The following BBC3 variants were observed in gnomAD, a reference collection of about 807,000 sequenced individuals.
BBC3 encodes BCL2 binding component 3.
In BBC3, 5 loss-of-function variants were observed where a neutral mutation model predicts 18.2. That is an observed-to-expected ratio of 0.27 (90% CI 0.14 to 0.58). The LOEUF is 0.58. BBC3 is among the 20% of genes least tolerant of loss of function. The pLI is 0.91. For synonymous variants in BBC3, 119 were observed against 128.0 expected (o/e 0.93, Z 0.47); for missense variants, 224 against 268.9 (o/e 0.83, Z 1.17).
intron 3 of BBC3, 22 bp downstream of exon 3, chr19:47,226,542 C>A (rs998853577): frequency 3.0e-5 from 45 of 1,507,132 alleles, no homozygotes; most frequent in Non-Finnish European, 3.7e-5. Context: ...CACCTGCCGT[C>A]TACCCCACCC....
chr19:47,223,720 ATCCTCATCG>A (rs747521043), intron 3 of BBC3, among the ~76,000 whole-genome samples: 32 of 152,238 alleles, frequency 2.1e-4, no homozygotes, highest in Middle Eastern at 3.4e-3. Context: ...AGGTTAAATG[ATCCTCATCG>A]TCCTCATGCT....
chr19:47,227,370 A>G (rs1362261219), intron 2 of BBC3, among the ~76,000 whole-genome samples: 2 of 123,974 alleles, frequency 1.6e-5, no homozygotes, highest in African/African-American at 3.1e-5. Flanking sequence ...CCGTCCCACC[A>G]GGTCCTGGCC....
chr19:47,226,613 GC>G lies in BBC3; in HGVS notation c.415del (p.Ala139ProfsTer76). On this transcript the variant is annotated frameshift_variant, in exon 3 of 4. Coordinates refer to ENST00000439096, the MANE Select transcript of BBC3 (RefSeq NM_014417.5). LOFTEE classifies it high-confidence loss of function. ...GTCGTCCGCCATCCGCCGCAGCTGG[GC>G]CCCGATCTCCCGGGCCCACTGTTCC... ...EEEQWAREIG[A>X]QLRRMADDLN... 2 of 1,578,848 alleles carry G rather than the reference GC, an allele frequency of 1.3e-6. No individual in the cohort carries two copies. Among genetic ancestry groups the G allele is most frequent in the South Asian group, 1.1e-5 (1 of 87,162 alleles).
At position 47,221,436 on chromosome 19, in the gene BBC3, C is replaced by CG. The variant is rs947372607; in HGVS notation, c.*365_*366insC. ...AGCACCGAGAGGAGAGCCCCCCCCT[C>CG]CCAGTGTCACCCCTGCAGCTGGAAC... On this transcript the variant is annotated 3_prime_UTR_variant, in exon 4 of 4. Coordinates refer to ENST00000439096, the MANE Select transcript of BBC3 (RefSeq NM_014417.5). The CG allele has an allele frequency of 6.4e-5, 16 of 250,324 alleles. 2 individuals carry two copies. Among genetic ancestry groups the CG allele is most frequent in the Admixed American group, 3.0e-4 (5 of 16,846 alleles). 15.5% of individuals were successfully genotyped at this position (250,324 alleles called of 1,614,324 possible).
chr19:47,227,362 G>C, intron 2 of BBC3, among the ~76,000 whole-genome samples: 1 of 81,614 alleles, frequency 1.2e-5, no homozygotes, highest in East Asian at 3.7e-4. Context: ...CTGCCCTCCC[G>C]TCCCACCAGG....
Position 47,230,681 on chromosome 19 carries a change from A to C in BBC3, c.-16+248T>G, listed in dbSNP as rs1427411930. The C allele has an allele frequency of 7.0e-5, 67 of 958,520 alleles. No individual in the cohort carries two copies. Among genetic ancestry groups the C allele is most frequent in the Non-Finnish European group, 7.9e-5 (64 of 806,074 alleles). The allele number at this position is 958,520 out of a possible 1,614,324, so 59.4% of individuals were successfully genotyped here. ...CGCCAGGGGGCGCTGCCGAGCCCGC[A>C]CCCCATTGTTTGTAAACAAACCCGC... On this transcript the variant is annotated intron_variant, in intron 1 of 3. Coordinates refer to ENST00000439096, the MANE Select transcript of BBC3 (RefSeq NM_014417.5). This position sits in a 1 kb window ranked among gnomAD's most constrained non-coding sequence, Gnocchi z 6.7.
chr19:47,231,311 G>C (rs896780202), upstream of BBC3: 1 of 635,210 alleles, frequency 1.6e-6, no homozygotes, highest in Non-Finnish European at 2.0e-6. The surrounding 1 kb of genome is among the most constrained non-coding windows in gnomAD (Gnocchi z 4.0). Context: ...GGCCCCGCCC[G>C]CCCGCCGCGG....
At chr19:47,232,207 C>T (rs1274211877), upstream of BBC3, among the ~76,000 whole-genome samples, 3 of 152,128 alleles carry the variant, frequency 2.0e-5, no homozygotes, top group Non-Finnish European at 4.4e-5. Context: ...CAAAATTAGC[C>T]GGGCGTTGTG....
intron 1 of BBC3, among the ~76,000 whole-genome samples, chr19:47,229,894 A>G (rs1175783395): frequency 6.6e-6 from 1 of 152,150 alleles, no homozygotes; most frequent in Non-Finnish European, 1.5e-5. Flanking sequence ...TAGCAGGCGC[A>G]GCATCACAAA....
intron 3 of BBC3, among the ~76,000 whole-genome samples, chr19:47,223,728 C>T (rs966378532): frequency 5.3e-5 from 8 of 152,076 alleles, no homozygotes; most frequent in African/African-American, 1.9e-4. Context: ...TGATCCTCAT[C>T]GTCCTCATGC....
chr19:47,231,726 C>T (rs1047982480), upstream of BBC3, among the ~76,000 whole-genome samples: 1 of 152,076 alleles, frequency 6.6e-6, no homozygotes, highest in Non-Finnish European at 1.5e-5. The surrounding 1 kb of genome is among the most constrained non-coding windows in gnomAD (Gnocchi z 4.0). Context: ...CTAACAGGGT[C>T]CCCTGGACAA....
In BBC3 at chr19:47,228,592, C is replaced by T; in HGVS notation, c.-15-146G>A. 1 of 846,648 alleles carries T rather than the reference C, an allele frequency of 1.2e-6. No individual in the cohort carries two copies. Among genetic ancestry groups the T allele is most frequent in the Non-Finnish European group, 1.6e-6 (1 of 638,490 alleles). The allele number at this position is 846,648 out of a possible 1,614,324, so 52.4% of individuals were successfully genotyped here. On this transcript the variant is annotated intron_variant, in intron 1 of 3. Transcript: ENST00000439096. The surrounding 1 kb of genome is among the most constrained non-coding windows in gnomAD (Gnocchi z 5.5). ...GGTGACGGCCCCACAGAGACACGCC[C>T]AGCCGGGGGATGACACCACCGGGTC... is the stretch of plus-strand genomic sequence containing the variant.
chr19:47,228,271 A>G lies in BBC3; in HGVS notation c.161T>C (p.Leu54Pro). The G allele has an allele frequency of 1.1e-6, 1 of 905,570 alleles. No homozygotes were observed. The allele number at this position is 905,570 out of a possible 1,614,324, so 56.1% of individuals were successfully genotyped here. The change falls in exon 2 of 4, where the codon CTG (leucine) becomes CCG (proline). Residue 54 changes from leucine (L) to proline (P), a missense_variant. Physicochemically the swap from Leu to Pro is moderately conservative, Grantham distance 98. Transcript: ENST00000439096. This position sits in a 1 kb window ranked among gnomAD's most constrained non-coding sequence, Gnocchi z 5.5. ...GGGGGCGCAGAGGTAGGCAGCGGGC[A>G]GCAGGGTGGGGGCGGCGGGGGCGGC... ...LAAAPAAPTL[L>P]PAAYLCAPTA... is the part of the protein sequence containing the mutation.
In BBC3 at chr19:47,221,789, C is replaced by G; in HGVS notation, c.*13G>C. On this transcript the variant is annotated 3_prime_UTR_variant, in exon 4 of 4. Transcript: ENST00000439096. ...CCCCGAGTCCCTGACGTCCACCGGGCGGGTGCAGGCACCTAATTGGGCTCC... is the reference window on the plus strand; with the variant it reads ...CCCCGAGTCCCTGACGTCCACCGGGGGGGTGCAGGCACCTAATTGGGCTCC... 2 of 1,609,588 alleles carry G rather than the reference C, an allele frequency of 1.2e-6. No individual in the cohort carries two copies. Among genetic ancestry groups the G allele is most frequent in the Non-Finnish European group, 1.7e-6 (2 of 1,178,654 alleles).
chr19:47,221,703 A>C lies in BBC3; in HGVS notation c.*99T>G, dbSNP rs1198233958. 2 of 1,580,410 alleles carry C rather than the reference A, an allele frequency of 1.3e-6. No homozygotes were observed. The highest frequency in any genetic ancestry group is 1.7e-6 in the Non-Finnish European group (2 of 1,168,082). On this transcript the variant is annotated 3_prime_UTR_variant, in exon 4 of 4. Transcript: ENST00000439096. The stretch of plus-strand genomic sequence containing the variant: ...GGCAGGGCTGGGAGTCCAGTATGCT[A>C]CATGGTGCAGAGAAAGTCCCCCGCG...
chr19:47,228,049 G>T lies in BBC3; in HGVS notation c.274+109C>A. The T allele has an allele frequency of 1.1e-6, 1 of 924,322 alleles. No individual in the cohort carries two copies. Among genetic ancestry groups the T allele is most frequent in the Non-Finnish European group, 1.4e-6 (1 of 716,402 alleles). The allele number at this position is 924,322 out of a possible 1,614,324, so 57.3% of individuals were successfully genotyped here. On this transcript the variant is annotated intron_variant, in intron 2 of 3. Transcript: ENST00000439096. This position sits in a 1 kb window ranked among gnomAD's most constrained non-coding sequence, Gnocchi z 5.5. ...TTGGCCACACCCTCCCAGTGGCCCG[G>T]CTGGGCCCGCCACCTCCCCCCGTCC... is the stretch of plus-strand genomic sequence containing the variant.
chr19:47,225,531 AT>A (rs2058804173), intron 3 of BBC3, among the ~76,000 whole-genome samples: 1 of 151,594 alleles, frequency 6.6e-6, no homozygotes, highest in Non-Finnish European at 1.5e-5. Context: ...TAATTTTTGT[AT>A]TTTTTGTAGC....
rs2058823010 is a variant in BBC3 at position 47,226,432 on chromosome 19, C to T, written c.465+132G>A. The T allele has an allele frequency of 1.1e-5, 7 of 661,028 alleles. 1 individual carries two copies. Among genetic ancestry groups the T allele is most frequent in the East Asian group, 4.4e-5 (1 of 22,804 alleles). 40.9% of individuals were successfully genotyped at this position (661,028 alleles called of 1,614,324 possible). A position where few individuals can be genotyped will look rare whatever the true frequency, so the allele number is the denominator to read the frequency against. ...GCGCGATTCCCCCCCACCCACTTAC[C>T]CCCCACCTGCCTGTCCGCGGAGCGA... is the stretch of plus-strand genomic sequence containing the variant. On this transcript the variant is annotated intron_variant, in intron 3 of 3. Transcript: ENST00000439096.
chr19:47,228,492 G>T lies in BBC3; in HGVS notation c.-15-46C>A. 1.6e-6 allele frequency: 2 copies of T among 1,228,776 alleles called. No homozygotes were observed. Among genetic ancestry groups the T allele is most frequent in the Non-Finnish European group, 2.0e-6 (2 of 985,412 alleles). 76.1% of individuals were successfully genotyped at this position (1,228,776 alleles called of 1,614,324 possible). On this transcript the variant is annotated intron_variant, in intron 1 of 3. Coordinates refer to ENST00000439096, the MANE Select transcript of BBC3 (RefSeq NM_014417.5). This position sits in a 1 kb window ranked among gnomAD's most constrained non-coding sequence, Gnocchi z 5.5. ...AGCAGGTCAGCAGGGAAGTACCAGG[G>T]CCCACTGTACCTCCAGCCTACCCGG... is the stretch of plus-strand genomic sequence containing the variant.
Sources: allele counts gnomAD v4.1 joint callset (sites outside exome capture counted in the v4.1 genomes callset), GRCh38; gene constraint gnomAD v4.1.1; non-coding constraint Gnocchi (gnomAD v3.1); transcripts MANE v1.5; gene names NCBI Gene and HGNC (gene_info 2026-07-23, HGNC 2026-07-21).